Variants in FARP1 observed in about 807,000 individuals in gnomAD.
The protein encoded by FARP1 is FERM, ARHGEF and pleckstrin domain-containing protein 1.
Under a neutral mutation model 128.8 loss-of-function variants are expected in FARP1, and 52 were observed. The observed-to-expected ratio is 0.40, with a 90% CI of 0.32 to 0.51. FARP1 has a LOEUF of 0.51. FARP1 is among the 20% of genes least tolerant of loss of function. The probability of loss-of-function intolerance (pLI) is 0.45; values close to 1 mark genes in which losing one functional copy is unlikely to be tolerated. For synonymous variants in FARP1, 580 were observed against 551.8 expected (o/e 1.05, Z -0.72); for missense variants, 1,333 against 1,367.9 (o/e 0.97, Z 0.40).
Position 98,312,940 on chromosome 13 carries a change from T to C in FARP1, c.172-30822T>C, listed in dbSNP as rs73563557. On this transcript the variant is annotated intron_variant, in intron 2 of 26. Coordinates refer to ENST00000319562, the MANE Select transcript of FARP1 (RefSeq NM_005766.4). ...AGGAGAAGTGGGCCAGGGTTTTCTT[T>C]CATGGGCTACTCCAGAAGTCAAGCT... Among the ~76,000 whole-genome samples, 513 of 152,270 alleles carry C rather than the reference T, an allele frequency of 3.4e-3. 4 individuals are homozygous for C. Among genetic ancestry groups the C allele is most frequent in the African/African-American group, 0.011 (478 of 41,566 alleles).
intron 2 of FARP1, among the ~76,000 whole-genome samples, chr13:98,215,016 T>C (rs1265909171): frequency 6.6e-6 from 1 of 152,196 alleles, no homozygotes; most frequent in Admixed American, 6.5e-5. Context: ...ACGGTGTTTC[T>C]GAGTGGGTTG....
In FARP1 at chr13:98,448,332, C is replaced by T. The variant is rs190512050; in HGVS notation, c.*15C>T. The T allele has an allele frequency of 1.1e-5, 17 of 1,589,906 alleles. No homozygotes were observed. Among genetic ancestry groups the T allele is most frequent in the African/African-American group, 8.0e-5 (6 of 74,604 alleles). On this transcript the variant is annotated 3_prime_UTR_variant, in exon 27 of 27. Coordinates refer to ENST00000319562, the MANE Select transcript of FARP1 (RefSeq NM_005766.4). ...TTGTGTATTGATGGCCGGACACACT[C>T]GTTTCCGCAGTGGCTGCTTTCCTGG...
At chr13:98,441,308 CCTG>C (rs1892515438) in intron 24 of FARP1, among the ~76,000 whole-genome samples, 2 of 152,316 alleles carry the variant, frequency 1.3e-5, no homozygotes, top group South Asian at 4.1e-4. Context: ...GGCAGACACT[CCTG>C]TGACAAAAGA....
At chr13:98,361,041 C>T (rs1489933940) in intron 3 of FARP1, among the ~76,000 whole-genome samples, 4 of 152,174 alleles carry the variant, frequency 2.6e-5, no homozygotes, top group Non-Finnish European at 4.4e-5. Flanking sequence ...CAGCTCCGCT[C>T]GCCTCCCTGT....
chr13:98,182,801 T>C (rs1285512635), intron 1 of FARP1, among the ~76,000 whole-genome samples: 1 of 152,222 alleles, frequency 6.6e-6, no homozygotes, highest in Non-Finnish European at 1.5e-5. Flanking sequence ...GCTCCCATTC[T>C]TTTTTAGCAC....
intron 2 of FARP1, chr13:98,245,446 A>ACTC: frequency 5.3e-6 from 3 of 569,048 alleles, no homozygotes; most frequent in South Asian, 7.7e-5. Flanking sequence ...GCAACTAAGT[A>ACTC]ATACGAAGTG....
chr13:98,217,498 G>A (rs1178430821), intron 2 of FARP1, among the ~76,000 whole-genome samples: 1 of 152,190 alleles, frequency 6.6e-6, no homozygotes, highest in African/African-American at 2.4e-5. Context: ...TCGTGTTGCT[G>A]TCTTGTCACT....
intron 17 of FARP1, among the ~76,000 whole-genome samples, chr13:98,428,376 C>CGT (rs1891868781): frequency 1.3e-5 from 2 of 152,096 alleles, no homozygotes; most frequent in African/African-American, 4.8e-5. Flanking sequence ...AAGCTTCTAC[C>CGT]ACCTGTACCT....
intron 2 of FARP1, among the ~76,000 whole-genome samples, chr13:98,301,810 A>G (rs1396882455): frequency 1.7e-4 from 26 of 152,160 alleles, no homozygotes; most frequent in Admixed American, 1.5e-3. Context: ...TCGGTGGTGT[A>G]TGGCTCAGAC....
chr13:98,390,854 A>C lies in FARP1; in HGVS notation c.1062A>C (p.Gly354=). The change falls in exon 11 of 27, where the codon GGA becomes GGC. Residue 354 remains glycine (G), a synonymous_variant. Transcript: ENST00000319562. ...QKQVLDYVKE[G]GHKKVQFERK... is the part of the protein sequence containing the mutation. ...AGGTTCTCGACTATGTTAAAGAAGGAGGACATAAGAAGGTGCAGTTTGAAA... is the reference window on the plus strand; with the variant it reads ...AGGTTCTCGACTATGTTAAAGAAGGCGGACATAAGAAGGTGCAGTTTGAAA... The C allele has an allele frequency of 6.2e-7, 1 of 1,613,650 alleles. No individual in the cohort carries two copies. Among genetic ancestry groups the C allele is most frequent in the Non-Finnish European group, 8.5e-7 (1 of 1,179,610 alleles).
chr13:98,286,644 T>G (rs190633588), intron 2 of FARP1, among the ~76,000 whole-genome samples: 3 of 152,302 alleles, frequency 2.0e-5, no homozygotes, highest in Admixed American at 2.0e-4. Context: ...TGTTCTGTCT[T>G]GGGTTTCCCT....
chr13:98,166,768 G>A (rs148260656), intron 1 of FARP1, among the ~76,000 whole-genome samples: 235 of 150,676 alleles, frequency 1.6e-3, no homozygotes, highest in African/African-American at 5.5e-3. Context: ...TGTCACTGTG[G>A]CTGAAGTGCA....
In FARP1 at chr13:98,448,506, A is replaced by G; in HGVS notation, c.*189A>G. 3.4e-6 allele frequency: 2 copies of G among 583,870 alleles called. No homozygotes were observed. The highest frequency in any genetic ancestry group is 6.1e-6 in the Non-Finnish European group (2 of 326,370). 36.2% of individuals were successfully genotyped at this position (583,870 alleles called of 1,614,324 possible). ...CAGCGTCTGAATGAACAGCGCTCCC[A>G]CCTCCAGTCCTGGCATCCGCTGGGG... On this transcript the variant is annotated 3_prime_UTR_variant, in exon 27 of 27. Transcript: ENST00000319562.
chr13:98,155,684 A>C (rs1224247080), intron 1 of FARP1, among the ~76,000 whole-genome samples: 1 of 151,782 alleles, frequency 6.6e-6, no homozygotes, highest in African/African-American at 2.4e-5. Flanking sequence ...ACACCTCACT[A>C]ATTTTTGTAT....
intron 2 of FARP1, among the ~76,000 whole-genome samples, chr13:98,300,906 G>T (rs1467072257): frequency 1.3e-5 from 2 of 152,104 alleles, no homozygotes; most frequent in African/African-American, 4.8e-5. Flanking sequence ...CTCCATTAAT[G>T]CATCCCAAAT....
At chr13:98,317,025 G>A (rs1886750164) in intron 2 of FARP1, among the ~76,000 whole-genome samples, 1 of 152,120 alleles carries the variant, frequency 6.6e-6, no homozygotes. Context: ...GCTTCCTTTT[G>A]GAGAACAAGC....
chr13:98,387,526 A>G (rs957048001), intron 8 of FARP1, among the ~76,000 whole-genome samples: 4 of 152,136 alleles, frequency 2.6e-5, no homozygotes, highest in Admixed American at 2.0e-4. Context: ...CCAGTGCCCT[A>G]TTGCTTCATT....
intron 2 of FARP1, among the ~76,000 whole-genome samples, chr13:98,256,948 G>GATATAT (rs56701739): frequency 1.6e-4 from 12 of 77,070 alleles, no homozygotes; most frequent in Admixed American, 4.9e-4. Flanking sequence ...TATATATGTG[G>GATATAT]ATATATATAT....
intron 19 of FARP1, chr13:98,437,858 G>A (rs1892345025): frequency 6.3e-7 from 1 of 1,593,764 alleles, no homozygotes; most frequent in Non-Finnish European, 8.5e-7. Context: ...TATTAGTAAA[G>A]GTGAAGATGG....
Sources: gnomAD v4.1 joint callset for allele counts (sites outside exome capture counted in the v4.1 genomes callset) on GRCh38, gnomAD v4.1.1 for gene constraint, MANE v1.5 for transcripts, NCBI Gene and HGNC (gene_info 2026-07-23, HGNC 2026-07-21) for gene names.